Variants in RARA observed in about 807,000 individuals in gnomAD.
RARA encodes the protein retinoic acid receptor alpha, also known as PML-DDX5-RARA fusion.
RARA carries 5 observed loss-of-function variants against 42.8 expected under a neutral mutation model. The observed-to-expected ratio is 0.12, with a 90% CI of 0.06 to 0.25. RARA has a LOEUF of 0.25. Ranked by LOEUF, RARA falls within the 10% of genes least tolerant of loss-of-function variation. The pLI is 1.00. For synonymous variants in RARA, 256 were observed against 259.5 expected, an observed-to-expected ratio of 0.99 and a Z score of 0.13; for missense variants, 402 against 628.7, an observed-to-expected ratio of 0.64 and a Z score of 3.86.
At chr17:40,329,749 C>T (rs9896312) in intron 1 of RARA, among the ~76,000 whole-genome samples, 16,716 of 152,254 alleles carry the variant, frequency 0.11, 1,117 homozygotes, top group East Asian at 0.34. Context: ...CCACCGCCCC[C>T]AGCCTCATTG....
chr17:40,350,035 C>T, intron 4 of RARA, 110 bp downstream of exon 4: 1 of 1,491,480 alleles, frequency 6.7e-7, no homozygotes, highest in Non-Finnish European at 9.1e-7. Flanking sequence ...CATGAACACG[C>T]ATGCCGTGGT....
At position 40,338,461 on chromosome 17, in the gene RARA, A is replaced by G. The variant is rs563184387; in HGVS notation, c.178+7065A>G. On this transcript the variant is annotated intron_variant, in intron 2 of 8. Coordinates refer to ENST00000254066, the MANE Select transcript of RARA (RefSeq NM_000964.4). ...CCAGCCCACAGACCAAGGGCCTTCCATGGGCAGGAGTCTTAAAGGACAGTT... is the reference window on the plus strand; with the variant it reads ...CCAGCCCACAGACCAAGGGCCTTCCGTGGGCAGGAGTCTTAAAGGACAGTT... Among the ~76,000 whole-genome samples, 3 of 152,242 alleles carry G rather than the reference A, an allele frequency of 2.0e-5. No homozygotes were observed. In the South Asian group the frequency reaches 6.2e-4, roughly 32 times the overall value.
intron 4 of RARA, among the ~76,000 whole-genome samples, chr17:40,350,894 C>T (rs1223619735): frequency 6.6e-6 from 1 of 151,946 alleles, no homozygotes; most frequent in South Asian, 2.1e-4. Context: ...GGGCTGTCAC[C>T]TCCTCCTCTC....
chr17:40,342,591 G>A (rs1017742699), intron 2 of RARA: 1 of 1,421,964 alleles, frequency 7.0e-7, no homozygotes, highest in Non-Finnish European at 9.2e-7. Flanking sequence ...ACCAGTCGGG[G>A]CGAGGGGACG....
intron 1 of RARA, among the ~76,000 whole-genome samples, chr17:40,322,123 C>T (rs535257388): frequency 1.3e-5 from 2 of 151,664 alleles, no homozygotes; most frequent in South Asian, 2.1e-4. Context: ...GCTGGCCGCC[C>T]GGTTTGGGCT....
chr17:40,315,010 G>GT (rs1036561334), intron 1 of RARA, among the ~76,000 whole-genome samples: 40 of 151,462 alleles, frequency 2.6e-4, no homozygotes, highest in African/African-American at 9.7e-4. Flanking sequence ...GAAGGAAAAG[G>GT]TAGCAGGGCA....
At position 40,335,532 on chromosome 17, in the gene RARA, A is replaced by G. The variant is rs558770269; in HGVS notation, c.178+4136A>G. On this transcript the variant is annotated intron_variant, in intron 2 of 8. Coordinates refer to ENST00000254066, the MANE Select transcript of RARA (RefSeq NM_000964.4). The stretch of plus-strand genomic sequence containing the variant: ...TGGTGAAACCCCATCTCTACTAAAA[A>G]TACAAAAATTAGGCAGGCGAGGTGG... 2.9e-3 allele frequency among the ~76,000 whole-genome samples: 445 copies of G among 152,112 alleles called. 3 individuals carry two copies. Among genetic ancestry groups the G allele is most frequent in the Non-Finnish European group, 1.8e-3 (123 of 67,988 alleles).
At chr17:40,329,163 C>T (rs1239914213) in intron 1 of RARA, among the ~76,000 whole-genome samples, 1 of 150,864 alleles carries the variant, frequency 6.6e-6, no homozygotes, top group Non-Finnish European at 1.5e-5. Flanking sequence ...GATGGAGTCT[C>T]ACTCTGTTGC....
rs2034051856 is a variant in RARA, at chr17:40,341,708, G to C, written c.179-6608G>C. 2.3e-6 allele frequency: 3 copies of C among 1,327,988 alleles called. No homozygotes were observed. In the South Asian group the frequency reaches 6.0e-5, roughly 27 times the overall value. 82.3% of individuals were successfully genotyped at this position (1,327,988 alleles called of 1,614,324 possible). On this transcript the variant is annotated intron_variant, in intron 2 of 8. Coordinates refer to ENST00000254066, the MANE Select transcript of RARA (RefSeq NM_000964.4). ...AGGCAAATGAGGCCCGGCCTGGGTG[G>C]GGGTGTGTGTTAAGGGGAGGACACC...
rs982434997 is a variant in RARA, at chr17:40,351,352, A to T, written c.470-558A>T. The T allele has an allele frequency of 3.3e-5, 11 of 337,226 alleles. No homozygotes were observed. The highest frequency in any genetic ancestry group is 2.0e-4 in the African/African-American group (9 of 45,296). 20.9% of individuals were successfully genotyped at this position (337,226 alleles called of 1,614,324 possible). On this transcript the variant is annotated intron_variant, in intron 4 of 8. Transcript: ENST00000254066. The surrounding 1 kb of genome is among the most constrained non-coding windows in gnomAD (Gnocchi z 4.1). Reference sequence around the variant, plus strand: ...CGACCCCATCGCTTCTTTAAAGCCGAGTGGTGTGTGCGGCTCAGCGCCCCT... The same window carrying T: ...CGACCCCATCGCTTCTTTAAAGCCGTGTGGTGTGTGCGGCTCAGCGCCCCT...
At chr17:40,322,830 T>G (rs1223450593) in intron 1 of RARA, among the ~76,000 whole-genome samples, 1 of 151,960 alleles carries the variant, frequency 6.6e-6, no homozygotes, top group Non-Finnish European at 1.5e-5. Flanking sequence ...CCCTTCCTAG[T>G]GGTCCCCCTT....
At chr17:40,322,957 C>T (rs983851080) in intron 1 of RARA, 1 of 152,260 alleles carries the variant, frequency 6.6e-6, no homozygotes, top group Admixed American at 6.5e-5. Context: ...ACGTGGCTGT[C>T]ACTTCCTGTC....
rs942595144 is a variant in RARA, at chr17:40,356,289, G to A, written c.*63G>A. 1.2e-5 allele frequency: 18 copies of A among 1,483,418 alleles called. No homozygotes were observed. In the Admixed American group the frequency reaches 1.4e-4, roughly 11 times the overall value. 91.9% of individuals were successfully genotyped at this position (1,483,418 alleles called of 1,614,324 possible). On this transcript the variant is annotated 3_prime_UTR_variant, in exon 9 of 9. Transcript: ENST00000254066. Reference sequence around the variant, plus strand: ...CCCGGCTTTTCTCTGCCTTTCTACCGACCATGTGACCCCGCACCAGCCCTG... The same window carrying A: ...CCCGGCTTTTCTCTGCCTTTCTACCAACCATGTGACCCCGCACCAGCCCTG...
At chr17:40,346,606 C>T (rs1218564078) in intron 2 of RARA, among the ~76,000 whole-genome samples, 1 of 152,186 alleles carries the variant, frequency 6.6e-6, no homozygotes, top group Non-Finnish European at 1.5e-5. Context: ...GGCTCACCCC[C>T]TCTGCCTCCT....
chr17:40,349,325 G>T, intron 3 of RARA: 1 of 176,022 alleles, frequency 5.7e-6, no homozygotes, highest in Non-Finnish European at 1.2e-5. Flanking sequence ...TTTCTGCCTT[G>T]CTCCTGAGTG....
At chr17:40,314,502 G>T (rs1463598269) in intron 1 of RARA, among the ~76,000 whole-genome samples, 1 of 151,630 alleles carries the variant, frequency 6.6e-6, no homozygotes, top group Non-Finnish European at 1.5e-5. Context: ...AGGCTGCAGT[G>T]GGGGCAGGGC....
chr17:40,348,209 G>T (rs1208388686), intron 2 of RARA, 107 bp from the exon 3 acceptor site: 16 of 1,334,174 alleles, frequency 1.2e-5, no homozygotes, highest in Non-Finnish European at 1.6e-5. Context: ...TGCCAGCAGT[G>T]GTGAGGCTGG....
At chr17:40,311,336 G>T (rs2143146353) in intron 1 of RARA, among the ~76,000 whole-genome samples, 1 of 152,148 alleles carries the variant, frequency 6.6e-6, no homozygotes, top group African/African-American at 2.4e-5. Flanking sequence ...AGGAAGGGGT[G>T]CCAGAGGAAG....
At chr17:40,332,653 C>T (rs767248525) in intron 2 of RARA, among the ~76,000 whole-genome samples, 2 of 152,272 alleles carry the variant, frequency 1.3e-5, no homozygotes, top group Non-Finnish European at 2.9e-5. Context: ...CCCTCCCAGG[C>T]TCCACCAGCC....
Sources: gnomAD v4.1 joint callset for allele counts (sites outside exome capture counted in the v4.1 genomes callset) on GRCh38, gnomAD v4.1.1 for gene constraint, Gnocchi (gnomAD v3.1) non-coding constraint, MANE v1.5 for transcripts, NCBI Gene and HGNC (gene_info 2026-07-23, HGNC 2026-07-21) for gene names.